The following NASP variants were observed in gnomAD, a reference collection of about 807,000 sequenced individuals.
The protein encoded by NASP is NASP histone chaperone.
In NASP, 24 loss-of-function variants were observed where a neutral mutation model predicts 89.5. The observed-to-expected ratio is 0.27, with a 90% CI of 0.19 to 0.38. The LOEUF (loss-of-function observed/expected upper bound fraction) is 0.38. Among genes scored for constraint, NASP ranks in the 10% least tolerant of loss-of-function variants. The probability of loss-of-function intolerance (pLI) is 1.00; values close to 1 mark genes in which losing one functional copy is unlikely to be tolerated. For synonymous variants in NASP, 306 were observed against 324.7 expected (o/e 0.94, Z 0.62); for missense variants, 848 against 921.4 (o/e 0.92, Z 1.03).
At chr1:45,595,887 T>G (rs1476019118) in intron 2 of NASP, among the ~76,000 whole-genome samples, 1 of 152,262 alleles carries the variant, frequency 6.6e-6, no homozygotes, top group African/African-American at 2.4e-5. Flanking sequence ...ATGGTTTTCT[T>G]TATGAAAAGC....
chr1:45,602,996 C>T (rs964451168), intron 3 of NASP, among the ~76,000 whole-genome samples: 4 of 152,166 alleles, frequency 2.6e-5, no homozygotes, highest in Non-Finnish European at 5.9e-5. Context: ...CCAAGCAAGT[C>T]ATGATTGATA....
Position 45,614,326 on chromosome 1 carries a change from C to T in NASP, c.1626C>T (p.Ala542=), listed in dbSNP as rs144542036. 867 of 1,614,036 alleles carry T rather than the reference C, an allele frequency of 5.4e-4. 8 individuals are homozygous for T. In the East Asian group the frequency reaches 0.018, roughly 33 times the overall value. The change falls in exon 9 of 15, where the codon GCC becomes GCT. Residue 542 remains alanine (A), a synonymous_variant. Coordinates refer to ENST00000350030, the MANE Select transcript of NASP (RefSeq NM_002482.4). ...QETKEAQLYA[A]QAHLKLGEVS... is the part of the protein sequence containing the mutation. The stretch of plus-strand genomic sequence containing the variant: ...CAAAAGAAGCACAGCTTTATGCTGC[C>T]CAGGCACATCTTAAACTCGGAGAAG...
At chr1:45,595,791 C>A (rs1287026995) in intron 2 of NASP, among the ~76,000 whole-genome samples, 3 of 152,170 alleles carry the variant, frequency 2.0e-5, no homozygotes, top group Non-Finnish European at 4.4e-5. Context: ...TTTATTAATT[C>A]TCAGTCCTTG....
chr1:45,604,480 T>A (rs1344782353), intron 3 of NASP, among the ~76,000 whole-genome samples: 1 of 152,228 alleles, frequency 6.6e-6, no homozygotes, highest in Non-Finnish European at 1.5e-5. Context: ...GAGAATAATT[T>A]GTCTAAGGTC....
At chr1:45,601,920 T>G (rs1274063649) in intron 2 of NASP, among the ~76,000 whole-genome samples, 1 of 151,668 alleles carries the variant, frequency 6.6e-6, no homozygotes, top group Admixed American at 6.6e-5. Context: ...GCCCGGCTAA[T>G]TTTTTGTATT....
rs112075833 is a variant in NASP, at chr1:45,607,496, A to C, written c.585A>C (p.Pro195=). The C allele has an allele frequency of 5.1e-4, 821 of 1,614,012 alleles. 5 individuals carry two copies. The African/African-American group carries it at 9.5e-3, about 19-fold the overall frequency. The change falls in exon 6 of 15, where the codon CCA becomes CCC. Residue 195 remains proline, a synonymous_variant. Coordinates refer to ENST00000350030, the MANE Select transcript of NASP (RefSeq NM_002482.4). ...ATATAAGTAAATCTGCAGAGGAGCC[A>C]CAGGAAAAAGTTGACTTGACTCTAG... The part of the protein sequence containing the change: ...DMDISKSAEE[P]QEKVDLTLDW...
chr1:45,602,570 T>C (rs987277799), intron 3 of NASP, among the ~76,000 whole-genome samples: 3 of 152,202 alleles, frequency 2.0e-5, no homozygotes, highest in African/African-American at 7.2e-5. Flanking sequence ...GAGTATGTAA[T>C]TTGTATTCCA....
At chr1:45,605,783 T>G (rs879494266) in intron 4 of NASP, 33 of 154,114 alleles carry the variant, frequency 2.1e-4, no homozygotes, top group African/African-American at 7.8e-4. Context: ...AGTTTTTTTT[T>G]TTTTTTTTTT....
At chr1:45,610,205 G>GAAAA (rs200218693) in intron 6 of NASP, 1 of 148,264 alleles carries the variant, frequency 6.7e-6, no homozygotes, top group African/African-American at 2.5e-5. Context: ...TCTTCCAAAA[G>GAAAA]AAAAAAAAAA....
rs1643947750 is a variant in NASP, at chr1:45,608,458, CTAA to C, written c.1426+122_1426+124del. 5 of 1,036,152 alleles carry C rather than the reference CTAA, an allele frequency of 4.8e-6. No individual in the cohort carries two copies. The East Asian group carries it at 1.3e-4, about 27-fold the overall frequency. The allele number at this position is 1,036,152 out of a possible 1,614,324, so 64.2% of individuals were successfully genotyped here. ...CGTCTGCCTTTGGATTAGGAAAGGGCTAAATGAAAAGGGGGGTAGTTTAACAAG... is the reference window on the plus strand; with the variant it reads ...CGTCTGCCTTTGGATTAGGAAAGGGCATGAAAAGGGGGGTAGTTTAACAAG... On this transcript the variant is annotated intron_variant, in intron 6 of 14. Coordinates refer to ENST00000350030, the MANE Select transcript of NASP (RefSeq NM_002482.4).
In NASP at chr1:45,607,655, T is replaced by C; in HGVS notation, c.744T>C (p.Thr248=). 1 of 1,614,148 alleles carries C rather than the reference T, an allele frequency of 6.2e-7. No individual in the cohort carries two copies. ...AGGAAGAAAAATCAGTTTCTGGAAC[T>C]GATGTCCAAGAAGAGTGCAGAGAAA... ...DAEEEKSVSG[T]DVQEECREKG... Residue 248 remains threonine (T), a synonymous_variant, in exon 6 of 15, where the codon ACT becomes ACC. Coordinates refer to ENST00000350030, the MANE Select transcript of NASP (RefSeq NM_002482.4).
At chr1:45,605,415 A>G (rs1643894796) in intron 4 of NASP, among the ~76,000 whole-genome samples, 1 of 152,164 alleles carries the variant, frequency 6.6e-6, no homozygotes, top group Admixed American at 6.5e-5. Flanking sequence ...AGTTCTGTTT[A>G]GGGTATACAA....
intron 2 of NASP, among the ~76,000 whole-genome samples, chr1:45,597,832 T>C (rs1404680197): frequency 6.6e-6 from 1 of 152,200 alleles, no homozygotes; most frequent in Non-Finnish European, 1.5e-5. Flanking sequence ...TTTAGTTCTT[T>C]ATGCAACAAT....
chr1:45,584,680 G>C (rs976333639), intron 1 of NASP, among the ~76,000 whole-genome samples: 1 of 152,174 alleles, frequency 6.6e-6, no homozygotes, highest in Non-Finnish European at 1.5e-5. Flanking sequence ...GAGGGGTCGG[G>C]GTGGGCGGGG....
chr1:45,595,135 GT>G (rs1643661218), intron 2 of NASP, among the ~76,000 whole-genome samples: 1 of 56,988 alleles, frequency 1.8e-5, no homozygotes, highest in African/African-American at 9.0e-5. Flanking sequence ...AGTTTTGTGT[GT>G]GTGTGTGTGT....
chr1:45,600,385 C>T (rs1010018045), intron 2 of NASP: 3 of 1,283,486 alleles, frequency 2.3e-6, no homozygotes, highest in Non-Finnish European at 3.1e-6. Context: ...CCCTCCCCAG[C>T]AACCATTAAT....
intron 1 of NASP, among the ~76,000 whole-genome samples, chr1:45,585,949 G>A (rs1644527526): frequency 6.6e-6 from 1 of 152,096 alleles, no homozygotes; most frequent in Non-Finnish European, 1.5e-5. Flanking sequence ...AGGTGTTTTT[G>A]TTTTTGTTTT....
At chr1:45,589,960 TA>T (rs1210166899) in intron 1 of NASP, among the ~76,000 whole-genome samples, 1 of 152,150 alleles carries the variant, frequency 6.6e-6, no homozygotes, top group Non-Finnish European at 1.5e-5. Flanking sequence ...AACATCCATT[TA>T]TAATTTTTAT....
chr1:45,597,778 T>C (rs2148342930), intron 2 of NASP, among the ~76,000 whole-genome samples: 1 of 152,316 alleles, frequency 6.6e-6, no homozygotes, highest in East Asian at 1.9e-4. Context: ...CATCTCCGTT[T>C]GTTCACAAGA....
Sources: gnomAD v4.1 joint callset for allele counts (sites outside exome capture counted in the v4.1 genomes callset) on GRCh38, gnomAD v4.1.1 for gene constraint, MANE v1.5 for transcripts, NCBI Gene and HGNC (gene_info 2026-07-23, HGNC 2026-07-21) for gene names.